ARHGAP5: variants seen among roughly 807,000 people sequenced by gnomAD.
ARHGAP5 encodes rho GTPase-activating protein 5.
ARHGAP5 carries 23 observed loss-of-function variants against 116.6 expected under a neutral mutation model. The observed-to-expected ratio is 0.20, with a 90% CI of 0.14 to 0.28. The LOEUF is 0.28. ARHGAP5 is among the 10% of genes least tolerant of loss of function. The pLI is 1.00. For synonymous variants in ARHGAP5, 574 were observed against 602.0 expected, an observed-to-expected ratio of 0.95 and a Z score of 0.68; for missense variants, 1,405 against 1,774.8, an observed-to-expected ratio of 0.79 and a Z score of 3.74.
chr14:32,135,875 T>G (rs1017896100), intron 3 of ARHGAP5, among the ~76,000 whole-genome samples: 12 of 152,250 alleles, frequency 7.9e-5, no homozygotes, highest in African/African-American at 2.7e-4. Flanking sequence ...AATGATCAAA[T>G]AATTATTTAA....
rs776942313 is a variant in ARHGAP5 at position 32,091,494 on chromosome 14, G to A, written c.825G>A (p.Lys275=). ...AACTTGTTGTCACAGCAACAGATAA[G>A]TTTGAAAAACTTGTGCAGACTGTGA... ...QRQLVVTATD[K]FEKLVQTVRD... The change falls in exon 2 of 7, where the codon AAG becomes AAA. Residue 275 remains lysine, a synonymous_variant. Transcript: ENST00000345122. The A allele has an allele frequency of 6.2e-6, 10 of 1,613,216 alleles. No homozygotes were observed. The highest frequency in any genetic ancestry group is 1.3e-5 in the African/African-American group (1 of 74,988).
intron 3 of ARHGAP5, among the ~76,000 whole-genome samples, chr14:32,121,766 A>AC (rs372134338): frequency 8.6e-5 from 13 of 150,776 alleles, no homozygotes; most frequent in Non-Finnish European, 1.8e-4. Context: ...CCCCACTCTC[A>AC]CCCCCCCATC....
Position 32,154,931 on chromosome 14 carries a change from C to A in ARHGAP5, c.4492C>A (p.Pro1498Thr). The stretch of plus-strand genomic sequence containing the variant: ...GATACAACCACAATTACAAACGGAT[C>A]CTCTTGGTATTATATGAGTAGGAAG... ...QLIQPQLQTDPLGII is the reference protein window; with the variant it reads ...QLIQPQLQTDTLGII The change falls in exon 7 of 7, where the codon CCT becomes ACT. Residue 1498 changes from proline (P) to threonine (T), a missense_variant. Pro to Thr is a conservative substitution (Grantham distance 38, BLOSUM62 -1). Transcript: ENST00000345122. 1 of 1,613,464 alleles carries A rather than the reference C, an allele frequency of 6.2e-7. No homozygotes were observed. The highest frequency in any genetic ancestry group is 8.5e-7 in the Non-Finnish European group (1 of 1,179,616).
At chr14:32,125,691 G>T (rs1045117530) in intron 3 of ARHGAP5, among the ~76,000 whole-genome samples, 5 of 152,118 alleles carry the variant, frequency 3.3e-5, no homozygotes, top group African/African-American at 9.7e-5. Flanking sequence ...TTTTGATAAG[G>T]TTTCCTTTTA....
rs137915862 is a variant in ARHGAP5, at chr14:32,125,871, G to A, written c.3865+8584G>A. 1.1e-3 allele frequency among the ~76,000 whole-genome samples: 162 copies of A among 152,094 alleles called. 2 individuals are homozygous for A. Among genetic ancestry groups the A allele is most frequent in the African/African-American group, 3.6e-3 (151 of 41,478 alleles). On this transcript the variant is annotated intron_variant, in intron 3 of 6. Transcript: ENST00000345122. Reference sequence around the variant, plus strand: ...TAAATTTATTCCTAGGTATTTTATTGGAATGTTATTGTAAATGGAATTTAA... The same window carrying A: ...TAAATTTATTCCTAGGTATTTTATTAGAATGTTATTGTAAATGGAATTTAA...
chr14:32,130,394 T>TC (rs1880418621), intron 3 of ARHGAP5, among the ~76,000 whole-genome samples: 1 of 150,994 alleles, frequency 6.6e-6, no homozygotes, highest in Admixed American at 6.6e-5. Flanking sequence ...TGGGTTTTTT[T>TC]TTTTTTTTAA....
intron 3 of ARHGAP5, among the ~76,000 whole-genome samples, chr14:32,142,862 T>C (rs1208196207): frequency 3.9e-5 from 6 of 152,234 alleles, no homozygotes; most frequent in African/African-American, 1.2e-4. Flanking sequence ...GGCAGCTCAT[T>C]AGTCGCTTTT....
intron 1 of ARHGAP5, among the ~76,000 whole-genome samples, chr14:32,089,935 A>AT (rs919325619): frequency 1.3e-5 from 2 of 151,800 alleles, no homozygotes; most frequent in African/African-American, 4.8e-5. Flanking sequence ...AATATTCTTA[A>AT]TTTTGGGGGG....
At chr14:32,087,285 A>G (rs2041838947) in intron 1 of ARHGAP5, among the ~76,000 whole-genome samples, 1 of 151,944 alleles carries the variant, frequency 6.6e-6, no homozygotes, top group African/African-American at 2.4e-5. Context: ...GATAATTTGT[A>G]TATATATATG....
intron 3 of ARHGAP5, among the ~76,000 whole-genome samples, chr14:32,135,487 A>C (rs1338737317): frequency 6.6e-6 from 1 of 152,204 alleles, no homozygotes; most frequent in African/African-American, 2.4e-5. Flanking sequence ...CAGTGGCGTG[A>C]TCTAGCCTCA....
chr14:32,108,158 G>T, intron 2 of ARHGAP5, among the ~76,000 whole-genome samples: 1 of 152,058 alleles, frequency 6.6e-6, no homozygotes, highest in East Asian at 1.9e-4. Flanking sequence ...AAGCCAGATG[G>T]AAGTGGGTTG....
chr14:32,113,260 C>T (rs572622296), intron 2 of ARHGAP5, among the ~76,000 whole-genome samples: 89 of 152,318 alleles, frequency 5.8e-4, no homozygotes, highest in African/African-American at 1.8e-3. Context: ...GAATCGTATA[C>T]ATTTTTGTTC....
Position 32,155,690 on chromosome 14 carries a change from C to T in ARHGAP5, c.*742C>T, listed in dbSNP as rs1383804269. Reference sequence around the variant, plus strand: ...CATAATGAAATAAAAATTTTGTATACTGTTAATTCTGTAAACAGATGCATG... The same window carrying T: ...CATAATGAAATAAAAATTTTGTATATTGTTAATTCTGTAAACAGATGCATG... On this transcript the variant is annotated 3_prime_UTR_variant, in exon 7 of 7. Coordinates refer to ENST00000345122, the MANE Select transcript of ARHGAP5 (RefSeq NM_001030055.2). 6.6e-6 allele frequency: 1 copy of T among 152,566 alleles called. No homozygotes were observed. The highest frequency in any genetic ancestry group is 1.5e-5 in the Non-Finnish European group (1 of 68,004). 9.5% of individuals were successfully genotyped at this position (152,566 alleles called of 1,614,324 possible). A position where few individuals can be genotyped will look rare whatever the true frequency, so the allele number is the denominator to read the frequency against.
rs1382793410 is a variant in ARHGAP5 at position 32,091,902 on chromosome 14, A to G, written c.1233A>G (p.Glu411=). The G allele has an allele frequency of 6.2e-7, 1 of 1,613,498 alleles. No individual in the cohort carries two copies. The highest frequency in any genetic ancestry group is 2.2e-5 in the East Asian group (1 of 44,884). Residue 411 remains glutamate (E), a synonymous_variant, in exon 2 of 7, where the codon GAA becomes GAG. Coordinates refer to ENST00000345122, the MANE Select transcript of ARHGAP5 (RefSeq NM_001030055.2). ...PFDLLSTLEA[E]KVYQNHVQHL... is the part of the protein sequence containing the mutation. Reference sequence around the variant, plus strand: ...ACCTCCTGAGCACTTTAGAAGCTGAAAAAGTCTATCAGAACCATGTACAGC... The same window carrying G: ...ACCTCCTGAGCACTTTAGAAGCTGAGAAAGTCTATCAGAACCATGTACAGC...
In ARHGAP5 at chr14:32,090,954, A is replaced by G. The variant is rs1292186126; in HGVS notation, c.285A>G (p.Gln95=). 1 of 1,613,558 alleles carries G rather than the reference A, an allele frequency of 6.2e-7. No homozygotes were observed. The highest frequency in any genetic ancestry group is 1.3e-5 in the African/African-American group (1 of 74,900). The change falls in exon 2 of 7, where the codon CAA becomes CAG. Residue 95 remains glutamine, a synonymous_variant. Transcript: ENST00000345122. The part of the protein sequence containing the change: ...GVECKIHVIE[Q]TEFIDDQTFL... Reference sequence around the variant, plus strand: ...AATGCAAAATTCATGTCATTGAACAAACAGAGTTCATTGATGACCAGACTT... The same window carrying G: ...AATGCAAAATTCATGTCATTGAACAGACAGAGTTCATTGATGACCAGACTT...
intron 2 of ARHGAP5, among the ~76,000 whole-genome samples, chr14:32,109,901 C>T (rs1879202204): frequency 6.6e-6 from 1 of 151,506 alleles, no homozygotes; most frequent in Non-Finnish European, 1.5e-5. Context: ...TTTTTTTTTC[C>T]CCCCACTGTT....
intron 3 of ARHGAP5, among the ~76,000 whole-genome samples, chr14:32,129,003 AT>A (rs1594377920): frequency 1.3e-5 from 2 of 151,984 alleles, no homozygotes; most frequent in East Asian, 3.9e-4. Context: ...CGCTTTCTAA[AT>A]TTTTTTCTGC....
intron 3 of ARHGAP5, among the ~76,000 whole-genome samples, chr14:32,131,741 A>C (rs865982027): frequency 5.3e-5 from 8 of 151,204 alleles, no homozygotes; most frequent in Admixed American, 1.3e-4. Flanking sequence ...CCACTCCCCC[A>C]ACCCCACAAC....
In ARHGAP5 at chr14:32,077,426, A is replaced by G. The variant is rs1482676502; in HGVS notation, c.-178A>G. The G allele has an allele frequency of 1.4e-5, 10 of 706,084 alleles. No homozygotes were observed. Among genetic ancestry groups the G allele is most frequent in the Non-Finnish European group, 2.1e-5 (8 of 387,158 alleles). The allele number at this position is 706,084 out of a possible 1,614,324, so 43.7% of individuals were successfully genotyped here. On this transcript the variant is annotated 5_prime_UTR_variant, in exon 1 of 7. Transcript: ENST00000345122. ...GTTGAGGAGGAGACGGAGGAGACCG[A>G]CGTTGTTAGGTAGGACCTTGCGGAC...
Sources: allele counts gnomAD v4.1 joint callset (sites outside exome capture counted in the v4.1 genomes callset), GRCh38; gene constraint gnomAD v4.1.1; transcripts MANE v1.5; gene names NCBI Gene and HGNC (gene_info 2026-07-23, HGNC 2026-07-21).